Variants in SMARCAD1 observed in about 807,000 individuals in gnomAD.
The protein encoded by SMARCAD1 is SWI/SNF-related matrix-associated actin-dependent regulator of chromatin subfamily A containing DEAD/H box 1.
A neutral mutation model predicts 127.1 loss-of-function variants in SMARCAD1; 25 were observed. That is an observed-to-expected ratio of 0.20 (90% confidence interval 0.14 to 0.27). The LOEUF (loss-of-function observed/expected upper bound fraction) is 0.27, where lower values mean the gene tolerates loss of function less well. Ranked by LOEUF, SMARCAD1 falls within the 10% of genes least tolerant of loss-of-function variation. SMARCAD1 has a pLI of 1.00. For missense variants in SMARCAD1, 807 were observed against 1,206.0 expected, an observed-to-expected ratio of 0.67 and a Z score of 4.90; for synonymous variants, 400 against 396.9, an observed-to-expected ratio of 1.01 and a Z score of -0.09.
At chr4:94,229,691 G>T (rs1358659141) in intron 3 of SMARCAD1, among the ~76,000 whole-genome samples, 1 of 152,056 alleles carries the variant, frequency 6.6e-6, no homozygotes, top group African/African-American at 2.4e-5. Context: ...TGCTGCTGGT[G>T]AGGTAGGAAT....
Position 94,277,098 on chromosome 4 carries a change from T to G in SMARCAD1, c.2021T>G (p.Val674Gly). 1 of 1,614,104 alleles carries G rather than the reference T, an allele frequency of 6.2e-7. No homozygotes were observed. Residue 674 changes from valine to glycine, a missense_variant, in exon 16 of 24, where the codon GTT becomes GGT. Val to Gly is a moderately radical substitution (Grantham distance 109). Transcript: ENST00000354268. ...GAACTCATGTCGCTGTTGAATTTTG[T>G]TATGCCACACATGTTTAGTAGTAGC... ...LLELMSLLNF[V>G]MPHMFSSSTS...
intron 6 of SMARCAD1, among the ~76,000 whole-genome samples, chr4:94,245,345 A>G (rs534408751): frequency 6.6e-6 from 1 of 152,304 alleles, no homozygotes; most frequent in African/African-American, 2.4e-5. Flanking sequence ...GTGTAATACA[A>G]ATGATCAGAT....
chr4:94,290,086 G>A lies in SMARCAD1; in HGVS notation c.*552G>A. 2.2e-6 allele frequency: 1 copy of A among 454,410 alleles called. No individual in the cohort carries two copies. Among genetic ancestry groups the A allele is most frequent in the Non-Finnish European group, 4.4e-6 (1 of 226,744 alleles). The allele number at this position is 454,410 out of a possible 1,614,324, so 28.1% of individuals were successfully genotyped here. ...GCAAGAACTCAACCTGAATTTAAAGGTGGCATTCCATATACTAACATCCCC... is the reference window on the plus strand; with the variant it reads ...GCAAGAACTCAACCTGAATTTAAAGATGGCATTCCATATACTAACATCCCC... On this transcript the variant is annotated 3_prime_UTR_variant, in exon 24 of 24. Coordinates refer to ENST00000354268, the MANE Select transcript of SMARCAD1 (RefSeq NM_020159.5).
At chr4:94,261,017 C>G (rs896965259) in intron 9 of SMARCAD1, among the ~76,000 whole-genome samples, 1 of 151,904 alleles carries the variant, frequency 6.6e-6, no homozygotes, top group African/African-American at 2.4e-5. Flanking sequence ...CTTCAAAAAG[C>G]TGTTCAGTGG....
intron 2 of SMARCAD1, among the ~76,000 whole-genome samples, chr4:94,220,192 A>T (rs1743882509): frequency 6.6e-6 from 1 of 152,192 alleles, no homozygotes; most frequent in Non-Finnish European, 1.5e-5. Context: ...TCTAATTCTG[A>T]TTATTGACTA....
At position 94,280,735 on chromosome 4, in the gene SMARCAD1, A is replaced by G; in HGVS notation, c.2562A>G (p.Gly854=). Residue 854 remains glycine, a synonymous_variant, in exon 20 of 24, where the codon GGA becomes GGG. Transcript: ENST00000354268. Reference sequence around the variant, plus strand: ...ACATGGACTTGATTTTAGATTCTGGAAAATTTCGAGTTTTAGGATGCATCT... The same window carrying G: ...ACATGGACTTGATTTTAGATTCTGGGAAATTTCGAGTTTTAGGATGCATCT... ...QLDMDLILDS[G]KFRVLGCILS... The G allele has an allele frequency of 6.2e-7, 1 of 1,613,740 alleles. No individual in the cohort carries two copies. The highest frequency in any genetic ancestry group is 8.5e-7 in the Non-Finnish European group (1 of 1,179,842).
rs183985277 is a variant in SMARCAD1 at position 94,231,438 on chromosome 4, T to A, written c.369-2516T>A. Among the ~76,000 whole-genome samples, 8 of 152,340 alleles carry A rather than the reference T, an allele frequency of 5.3e-5. No individual in the cohort carries two copies. The East Asian group carries it at 1.5e-3, about 29-fold the overall frequency. ...CTGGAAAAAAGAGCAAGTGGTCAACTCTGTTGTTCTTACAGGTTTTTTTCT... is the reference window on the plus strand; with the variant it reads ...CTGGAAAAAAGAGCAAGTGGTCAACACTGTTGTTCTTACAGGTTTTTTTCT... On this transcript the variant is annotated intron_variant, in intron 3 of 23. Transcript: ENST00000354268.
intron 6 of SMARCAD1, among the ~76,000 whole-genome samples, chr4:94,245,876 A>G (rs946154963): frequency 1.3e-5 from 2 of 152,228 alleles, no homozygotes; most frequent in African/African-American, 2.4e-5. Context: ...TATATGTGTC[A>G]CAGCAAAACT....
intron 2 of SMARCAD1, among the ~76,000 whole-genome samples, chr4:94,219,458 A>G (rs1371023466): frequency 6.6e-6 from 1 of 152,064 alleles, no homozygotes; most frequent in Non-Finnish European, 1.5e-5. Context: ...TGGACCACCG[A>G]AAAGGTAAAA....
At chr4:94,215,789 A>G (rs1743075704) in intron 2 of SMARCAD1, among the ~76,000 whole-genome samples, 1 of 152,186 alleles carries the variant, frequency 6.6e-6, no homozygotes, top group South Asian at 2.1e-4. Context: ...TTAATAAGCT[A>G]ATAGGCAAAA....
At chr4:94,241,720 A>G (rs1057446930) in intron 6 of SMARCAD1, among the ~76,000 whole-genome samples, 2 of 152,194 alleles carry the variant, frequency 1.3e-5, no homozygotes, top group African/African-American at 4.8e-5. Context: ...GAATGGTGCT[A>G]TAATGGGAAC....
intron 6 of SMARCAD1, among the ~76,000 whole-genome samples, chr4:94,246,112 C>CT (rs1307972369): frequency 6.6e-6 from 1 of 151,126 alleles, no homozygotes; most frequent in Non-Finnish European, 1.5e-5. Flanking sequence ...TCATAACTGA[C>CT]ATTCTTTTTT....
chr4:94,254,718 T>C (rs28733161), intron 9 of SMARCAD1, among the ~76,000 whole-genome samples: 22,933 of 152,044 alleles, frequency 0.15, 1,915 homozygotes, highest in Middle Eastern at 0.22. Context: ...ACAGTCTAAA[T>C]GTATCTGAAA....
At chr4:94,230,656 G>C (rs952139713) in intron 3 of SMARCAD1, among the ~76,000 whole-genome samples, 1 of 152,074 alleles carries the variant, frequency 6.6e-6, no homozygotes, top group Non-Finnish European at 1.5e-5. Flanking sequence ...AATATCTCCA[G>C]ACATTGCCAA....
chr4:94,258,398 G>C (rs565581521), intron 9 of SMARCAD1, among the ~76,000 whole-genome samples: 1 of 151,994 alleles, frequency 6.6e-6, no homozygotes, highest in African/African-American at 2.4e-5. Flanking sequence ...CAAGTGATCC[G>C]CTCACCTCCA....
Position 94,252,655 on chromosome 4 carries a change from A to C in SMARCAD1, c.929A>C (p.Lys310Thr). 1.3e-6 allele frequency: 2 copies of C among 1,576,070 alleles called. No individual in the cohort carries two copies. The change falls in exon 9 of 24, where the codon AAA becomes ACA. Residue 310 changes from lysine to threonine, a missense_variant. By Grantham distance (78) the Lys-to-Thr change is moderately conservative. Around this residue, in one of 8 missense-constraint regions of SMARCAD1, gnomAD observed 257 missense variants for 303.4 expected, o/e 0.85. Coordinates refer to ENST00000354268, the MANE Select transcript of SMARCAD1 (RefSeq NM_020159.5). ...TCACAAAGTGAGGTTCCAAATGGAA[A>C]AGAAGTTTCTTCAAGAAGTCAAAAT... Reference protein sequence around the residue: ...YVSQSEVPNGKEVSSRSQNYP... With the variant: ...YVSQSEVPNGTEVSSRSQNYP...
intron 23 of SMARCAD1, among the ~76,000 whole-genome samples, chr4:94,288,718 A>C (rs1314228580): frequency 6.6e-6 from 1 of 152,176 alleles, no homozygotes; most frequent in Non-Finnish European, 1.5e-5. Flanking sequence ...TTATAAAATT[A>C]TTCATAGTTA....
intron 15 of SMARCAD1, 50 bp from the exon 16 acceptor site, chr4:94,276,972 G>A: frequency 6.2e-7 from 1 of 1,607,702 alleles, no homozygotes; most frequent in Non-Finnish European, 8.5e-7. Flanking sequence ...AGACATGAAA[G>A]GAGTGGCTCT....
Position 94,279,030 on chromosome 4 carries a change from A to C in SMARCAD1, c.2398A>C (p.Met800Leu). The C allele has an allele frequency of 6.2e-7, 1 of 1,614,140 alleles. No individual in the cohort carries two copies. Among genetic ancestry groups the C allele is most frequent in the Non-Finnish European group, 8.5e-7 (1 of 1,180,002 alleles). ...QYYTAEKLKE[M>L]SQLMLKEPTH... ...TTACACAGCTGAAAAACTCAAGGAA[A>C]TGTCTCAGCTTATGCTAAAGGTAAG... The change falls in exon 19 of 24, where the codon ATG (methionine) becomes CTG (leucine). Residue 800 changes from methionine to leucine, a missense_variant. Around this residue, in one of 8 missense-constraint regions of SMARCAD1, gnomAD observed 99 missense variants for 126.0 expected, o/e 0.79. Transcript: ENST00000354268.
Sources: allele counts gnomAD v4.1 joint callset (sites outside exome capture counted in the v4.1 genomes callset), GRCh38; gene constraint gnomAD v4.1.1; regional missense constraint gnomAD v4.1.1; transcripts MANE v1.5; gene names NCBI Gene and HGNC (gene_info 2026-07-23, HGNC 2026-07-21).